The following HSF2BP variants were observed in gnomAD, a reference collection of about 807,000 sequenced individuals.
HSF2BP encodes heat shock transcription factor 2 binding protein.
Under a neutral mutation model 35.0 loss-of-function variants are expected in HSF2BP, and 35 were observed. The ratio of observed to expected loss-of-function variants is 1.00; its 90% CI spans 0.76 to 1.32. The LOEUF is 1.32. Among genes scored for constraint, HSF2BP ranks in the 40% most tolerant of loss-of-function variants. HSF2BP has a pLI of 0.00. For missense variants in HSF2BP, 326 were observed against 321.7 expected (o/e 1.01, Z -0.10); for synonymous variants, 114 against 117.4 (o/e 0.97, Z 0.18).
chr21:43,578,919 G>A (rs73223081), intron 8 of HSF2BP, among the ~76,000 whole-genome samples: 1 of 152,336 alleles, frequency 6.6e-6, no homozygotes, highest in Non-Finnish European at 1.5e-5. Context: ...GTACCTTCCA[G>A]CCCGGCCAGG....
chr21:43,581,182 C>A (rs1168733901), intron 8 of HSF2BP, among the ~76,000 whole-genome samples: 1 of 152,106 alleles, frequency 6.6e-6, no homozygotes, highest in African/African-American at 2.4e-5. Context: ...GTCAGGAGAT[C>A]GAGACCATCC....
chr21:43,631,867 G>C (rs1388357892), intron 5 of HSF2BP, among the ~76,000 whole-genome samples: 1 of 151,856 alleles, frequency 6.6e-6, no homozygotes, highest in Non-Finnish European at 1.5e-5. Flanking sequence ...ATGCATACAT[G>C]TGCGTGTGCA....
intron 2 of HSF2BP, 179 bp downstream of exon 2, chr21:43,657,882 C>T: frequency 1.0e-6 from 1 of 985,504 alleles, no homozygotes; most frequent in Non-Finnish European, 1.2e-6. Flanking sequence ...GCGAAGTCGC[C>T]TCCCGCCCCA....
intron 7 of HSF2BP, among the ~76,000 whole-genome samples, chr21:43,602,957 C>T (rs957314409): frequency 1.3e-5 from 2 of 152,018 alleles, no homozygotes; most frequent in African/African-American, 4.8e-5. Flanking sequence ...CCTGAGAAGC[C>T]GCTAGTGTAG....
the HSF2BP span, among the ~76,000 whole-genome samples, chr21:43,467,758 C>T: frequency 2.9e-3 from 122 of 41,932 alleles, no homozygotes; most frequent in East Asian, 6.3e-3. Flanking sequence ...CACCACACAC[C>T]CACACACCAC....
At chr21:43,501,272 C>A in the HSF2BP span, among the ~76,000 whole-genome samples, 5 of 123,978 alleles carry the variant, frequency 4.0e-5, 2 homozygotes, top group African/African-American at 1.8e-4. Context: ...CAATTGCCTG[C>A]CATTCTGAAT....
chr21:43,631,632 C>A (rs949824960), intron 5 of HSF2BP, among the ~76,000 whole-genome samples: 1 of 152,142 alleles, frequency 6.6e-6, no homozygotes, highest in Non-Finnish European at 1.5e-5. Context: ...TTCCCACCTA[C>A]AGAATGAATC....
intron 3 of HSF2BP, among the ~76,000 whole-genome samples, chr21:43,654,994 T>C (rs549703013): frequency 1.3e-5 from 2 of 152,292 alleles, no homozygotes. Context: ...GACTATGAGA[T>C]AAGATCTCCC....
At chr21:43,637,123 T>C (rs925252401) in intron 4 of HSF2BP, among the ~76,000 whole-genome samples, 10 of 151,828 alleles carry the variant, frequency 6.6e-5, no homozygotes, top group Non-Finnish European at 5.9e-5. Flanking sequence ...ACCCTGCATC[T>C]ATAAAATAAA....
chr21:43,592,595 A>C (rs1454651), intron 7 of HSF2BP, among the ~76,000 whole-genome samples: 2 of 151,954 alleles, frequency 1.3e-5, no homozygotes, highest in African/African-American at 4.8e-5. Context: ...GGGAAGCCTC[A>C]CAAACCATAT....
intron 7 of HSF2BP, among the ~76,000 whole-genome samples, chr21:43,610,300 C>T (rs1423459248): frequency 6.6e-6 from 1 of 151,968 alleles, no homozygotes; most frequent in Non-Finnish European, 1.5e-5. Flanking sequence ...GATAAAAATA[C>T]TCTTTAAGGC....
chr21:43,638,971 G>GT (rs1420920194), intron 4 of HSF2BP, among the ~76,000 whole-genome samples: 1 of 152,216 alleles, frequency 6.6e-6, no homozygotes, highest in Non-Finnish European at 1.5e-5. Flanking sequence ...AAGTACCTGA[G>GT]TAGAGAACCC....
intron 4 of HSF2BP, among the ~76,000 whole-genome samples, chr21:43,640,712 C>T (rs1433692803): frequency 6.6e-6 from 1 of 151,910 alleles, no homozygotes; most frequent in Non-Finnish European, 1.5e-5. Flanking sequence ...GATAACTTCC[C>T]TGGACTTTTT....
At chr21:43,635,402 G>C (rs2082537867) in intron 4 of HSF2BP, among the ~76,000 whole-genome samples, 1 of 152,130 alleles carries the variant, frequency 6.6e-6, no homozygotes, top group South Asian at 2.1e-4. Flanking sequence ...AATGTTAGAA[G>C]ACTAACAGTG....
chr21:43,578,634 T>C (rs2081677765), intron 8 of HSF2BP, among the ~76,000 whole-genome samples: 3 of 152,330 alleles, frequency 2.0e-5, no homozygotes, highest in Admixed American at 2.0e-4. Context: ...GATGGCTCTG[T>C]GTTGCACAAC....
intron 7 of HSF2BP, among the ~76,000 whole-genome samples, chr21:43,600,091 G>A (rs961839510): frequency 5.9e-5 from 9 of 152,106 alleles, no homozygotes; most frequent in African/African-American, 2.4e-5. Context: ...ACTCATCTTC[G>A]ATAAAAAGCA....
At chr21:43,603,467 C>A (rs184044862) in intron 7 of HSF2BP, among the ~76,000 whole-genome samples, 38 of 152,334 alleles carry the variant, frequency 2.5e-4, no homozygotes, top group African/African-American at 8.7e-4. Context: ...CAGAACCCTG[C>A]CAGGGGCATG....
intron 4 of HSF2BP, among the ~76,000 whole-genome samples, chr21:43,642,795 C>CTTTTTTTT (rs869086487): frequency 3.3e-5 from 3 of 92,126 alleles, no homozygotes; most frequent in Non-Finnish European, 6.4e-5. Flanking sequence ...GGCTTCTTTT[C>CTTTTTTTT]TTTTTTTTTT....
At chr21:43,637,313 A>G (rs1489540938) in intron 4 of HSF2BP, among the ~76,000 whole-genome samples, 1 of 152,192 alleles carries the variant, frequency 6.6e-6, no homozygotes, top group Non-Finnish European at 1.5e-5. Flanking sequence ...TACATATTAT[A>G]CACATATTAT....
Sources: gnomAD v4.1 joint callset for allele counts (sites outside exome capture counted in the v4.1 genomes callset) on GRCh38, gnomAD v4.1.1 for gene constraint, MANE v1.5 for transcripts, NCBI Gene and HGNC (gene_info 2026-07-23, HGNC 2026-07-21) for gene names.